Variants in GABBR1 observed in about 807,000 individuals in gnomAD.
GABBR1 encodes the protein gamma-aminobutyric acid type B receptor subunit 1, also known as GABA-B receptor, R1 subunit.
Under a neutral mutation model 117.7 loss-of-function variants are expected in GABBR1, and 35 were observed. That is an observed-to-expected ratio of 0.30 (90% CI 0.23 to 0.39). The LOEUF (loss-of-function observed/expected upper bound fraction) is 0.39, where lower values mean the gene tolerates loss of function less well. Among genes scored for constraint, GABBR1 ranks in the 10% least tolerant of loss-of-function variants. The pLI is 1.00. For missense variants in GABBR1, 709 were observed against 1,241.8 expected (o/e 0.57, Z 6.45); for synonymous variants, 442 against 486.6 (o/e 0.91, Z 1.21).
chr6:29,615,467 G>C (rs1270524194), intron 11 of GABBR1, among the ~76,000 whole-genome samples: 1 of 151,888 alleles, frequency 6.6e-6, no homozygotes, highest in African/African-American at 2.4e-5. Context: ...AAATTAGCTG[G>C]GTGTGTTGGT....
Position 29,608,679 on chromosome 6 carries a change from T to A in GABBR1, c.1914A>T (p.Ser638=). ...NLNNLTAVGC[S]LALAAVFPLG... Reference sequence around the variant, plus strand: ...GGGGGAAGACAGCAGCTAAAGCCAGTGAGCAGCCCACAGCAGTCAGGTTGT... The same window carrying A: ...GGGGGAAGACAGCAGCTAAAGCCAGAGAGCAGCCCACAGCAGTCAGGTTGT... Residue 638 remains serine (S), a synonymous_variant, in exon 16 of 23, where the codon TCA becomes TCT. Transcript: ENST00000377034. 6.2e-7 allele frequency: 1 copy of A among 1,612,952 alleles called. No homozygotes were observed.
intron 5 of GABBR1, among the ~76,000 whole-genome samples, chr6:29,628,598 A>C (rs1764619019): frequency 6.8e-6 from 1 of 146,030 alleles, no homozygotes; most frequent in Non-Finnish European, 1.5e-5. Flanking sequence ...AGAAAAGACG[A>C]GGGAAGGGGT....
Position 29,605,003 on chromosome 6 carries a change from A to T in GABBR1, c.2440-15T>A. 2 of 1,601,744 alleles carry T rather than the reference A, an allele frequency of 1.2e-6. No individual in the cohort carries two copies. Among genetic ancestry groups the T allele is most frequent in the Non-Finnish European group, 1.7e-6 (2 of 1,175,056 alleles). On this transcript the variant is annotated splice_polypyrimidine_tract_variant and intron_variant, in intron 20 of 22. Coordinates refer to ENST00000377034, the MANE Select transcript of GABBR1 (RefSeq NM_001470.4). The surrounding 1 kb of genome is among the most constrained non-coding windows in gnomAD (Gnocchi z 4.2). ...AGGCACAGGACCTAGAGGGAAAGAC[A>T]CATTGAGGGAGTCTCAGGTCTGCAG...
rs890137079 is a variant in GABBR1 at position 29,614,787 on chromosome 6, T to C, written c.1324-1302A>G. Among the ~76,000 whole-genome samples the C allele has an allele frequency of 6.6e-5, 10 of 152,294 alleles. No individual in the cohort carries two copies. In the South Asian group the frequency reaches 8.3e-4, roughly 13 times the overall value. On this transcript the variant is annotated intron_variant, in intron 11 of 22. Coordinates refer to ENST00000377034, the MANE Select transcript of GABBR1 (RefSeq NM_001470.4). ...TACATTTGTCCAAACCCATAGAATA[T>C]ATAACACCAAGGGTGAACTCTAATG...
rs1762215490 is a variant in GABBR1, at chr6:29,608,695, G to A, written c.1898C>T (p.Thr633Ile). 1 of 1,613,014 alleles carries A rather than the reference G, an allele frequency of 6.2e-7. No individual in the cohort carries two copies. The highest frequency in any genetic ancestry group is 1.7e-5 in the Admixed American group (1 of 60,012). Residue 633 changes from threonine (T) to isoleucine (I), a missense_variant, in exon 16 of 23, where the codon ACT becomes ATT. By Grantham distance (89) the Thr-to-Ile change is moderately conservative. Transcript: ENST00000377034. ...QNSQPNLNNL[T>I]AVGCSLALAA... ...TAAAGCCAGTGAGCAGCCCACAGCA[G>A]TCAGGTTGTTCAGGTTGGGCTGTGA...
rs961120175 is a variant in GABBR1 at position 29,610,808 on chromosome 6, C to A, written c.1708+116G>T. 2.8e-5 allele frequency: 24 copies of A among 856,914 alleles called. No homozygotes were observed. The Admixed American group carries it at 4.6e-4, about 16-fold the overall frequency. The allele number at this position is 856,914 out of a possible 1,614,324, so 53.1% of individuals were successfully genotyped here. A position where few individuals can be genotyped will look rare whatever the true frequency, so the allele number is the denominator to read the frequency against. On this transcript the variant is annotated intron_variant, in intron 14 of 22. Transcript: ENST00000377034. ...CACTTAACCCTTTCTCCTGGCCCAG[C>A]TGCCAGCCACATTCCAACCTAACAG...
chr6:29,620,385 G>A lies in GABBR1; in HGVS notation c.1323+716C>T, dbSNP rs1031625005. The stretch of plus-strand genomic sequence containing the variant: ...ACTTGGTGTAATAAGCAGACACATA[G>A]GTGGCCGTATCGAGCTTACCCAAAA... On this transcript the variant is annotated intron_variant, in intron 11 of 22. Transcript: ENST00000377034. The surrounding 1 kb of genome is among the most constrained non-coding windows in gnomAD (Gnocchi z 4.5). Among the ~76,000 whole-genome samples the A allele has an allele frequency of 2.0e-5, 3 of 152,108 alleles. No homozygotes were observed. The highest frequency in any genetic ancestry group is 7.2e-5 in the African/African-American group (3 of 41,404).
Position 29,624,016 on chromosome 6 carries a change from T to G in GABBR1, c.666A>C (p.Pro222=), listed in dbSNP as rs1298114478. 2 of 1,611,390 alleles carry G rather than the reference T, an allele frequency of 1.2e-6. No individual in the cohort carries two copies. The highest frequency in any genetic ancestry group is 1.3e-5 in the African/African-American group (1 of 75,018). Residue 222 remains proline, a synonymous_variant, in exon 7 of 23, where the codon CCA becomes CCC. Coordinates refer to ENST00000377034, the MANE Select transcript of GABBR1 (RefSeq NM_001470.4). ...CATATAGGTACTTGGTGGCTTGGCC[T>G]GGATCACACTGAAAGACAAGAGGAG... ...KLIHHDSKCD[P]GQATKYLYEL...
intron 11 of GABBR1, among the ~76,000 whole-genome samples, chr6:29,618,254 C>T (rs1384669771): frequency 2.0e-5 from 3 of 152,200 alleles, no homozygotes; most frequent in African/African-American, 7.2e-5. Flanking sequence ...GATGCGGTCC[C>T]CTGCTCAGGT....
Position 29,623,616 on chromosome 6 carries a change from A to C in GABBR1, c.793-141T>G, listed in dbSNP as rs1763979082. 1.2e-6 allele frequency: 1 copy of C among 846,726 alleles called. No homozygotes were observed. The highest frequency in any genetic ancestry group is 1.7e-5 in the African/African-American group (1 of 58,464). 52.5% of individuals were successfully genotyped at this position (846,726 alleles called of 1,614,324 possible). ...AACCTCCCCACCTCTGGTCTGCCTA[A>C]GGAAAAGAGATTCTCAAAGGCCCAC... On this transcript the variant is annotated intron_variant, in intron 7 of 22. Coordinates refer to ENST00000377034, the MANE Select transcript of GABBR1 (RefSeq NM_001470.4). This position sits in a 1 kb window ranked among gnomAD's most constrained non-coding sequence, Gnocchi z 6.2.
At chr6:29,619,313 C>T (rs1763506324) in intron 11 of GABBR1, among the ~76,000 whole-genome samples, 1 of 152,174 alleles carries the variant, frequency 6.6e-6, no homozygotes, top group Admixed American at 6.5e-5. Flanking sequence ...TCTCTTTTGC[C>T]CCTAACCTAT....
intron 6 of GABBR1, among the ~76,000 whole-genome samples, chr6:29,625,339 C>A (rs1168959450): frequency 6.6e-6 from 1 of 152,158 alleles, no homozygotes; most frequent in African/African-American, 2.4e-5. Flanking sequence ...CCTCAGTGCC[C>A]CTCCACTTCT....
At chr6:29,617,903 A>G (rs1271182113) in intron 11 of GABBR1, among the ~76,000 whole-genome samples, 1 of 152,234 alleles carries the variant, frequency 6.6e-6, no homozygotes, top group Non-Finnish European at 1.5e-5. Flanking sequence ...TGAGGAAACT[A>G]TATTACCTTA....
intron 11 of GABBR1, among the ~76,000 whole-genome samples, chr6:29,614,798 G>C (rs1312037386): frequency 2.6e-5 from 4 of 152,074 alleles, no homozygotes; most frequent in Non-Finnish European, 5.9e-5. Context: ...ATAACACCAA[G>C]GGTGAACTCT....
Position 29,621,698 on chromosome 6 carries a change from A to G in GABBR1, c.1131+54T>C, listed in dbSNP as rs1365218671. ...AGATGCCAAGAGGAGGCCCCACAAG[A>G]AAACCAAGGGAAACTCCCACCCAGT... On this transcript the variant is annotated intron_variant, in intron 10 of 22. Coordinates refer to ENST00000377034, the MANE Select transcript of GABBR1 (RefSeq NM_001470.4). The surrounding 1 kb of genome is among the most constrained non-coding windows in gnomAD (Gnocchi z 5.0). The G allele has an allele frequency of 7.9e-6, 12 of 1,528,016 alleles. No individual in the cohort carries two copies. Among genetic ancestry groups the G allele is most frequent in the Non-Finnish European group, 1.1e-5 (12 of 1,102,228 alleles). The allele number at this position is 1,528,016 out of a possible 1,614,324, so 94.7% of individuals were successfully genotyped here.
In GABBR1 at chr6:29,627,579, G is replaced by T; in HGVS notation, c.564C>A (p.Cys188Ter). 1 of 1,582,314 alleles carries T rather than the reference G, an allele frequency of 6.3e-7. No individual in the cohort carries two copies. The change falls in exon 6 of 23, where the codon TGC becomes TGA. Residue 188 changes from cysteine (C) to a stop codon, truncating the protein, a stop_gained. Coordinates refer to ENST00000377034, the MANE Select transcript of GABBR1 (RefSeq NM_001470.4). LOFTEE classifies it high-confidence loss of function. This position sits in a 1 kb window ranked among gnomAD's most constrained non-coding sequence, Gnocchi z 4.4. ...MSGGWPGGQA[C>*]QPAVEMALED... ...CCAGCGCCATCTCCACCGCGGGCTGGCAGGCCTGGCCCCCTGGCCAGCCCC... is the reference window on the plus strand; with the variant it reads ...CCAGCGCCATCTCCACCGCGGGCTGTCAGGCCTGGCCCCCTGGCCAGCCCC...
At position 29,627,660 on chromosome 6, in the gene GABBR1, C is replaced by T; in HGVS notation, c.497-14G>A. The T allele has an allele frequency of 6.5e-7, 1 of 1,540,546 alleles. No homozygotes were observed. Among genetic ancestry groups the T allele is most frequent in the Non-Finnish European group, 8.7e-7 (1 of 1,148,116 alleles). On this transcript the variant is annotated splice_polypyrimidine_tract_variant and intron_variant, in intron 5 of 22. Transcript: ENST00000377034. This position sits in a 1 kb window ranked among gnomAD's most constrained non-coding sequence, Gnocchi z 4.4. ...CTGCGCGCCGTTCTGAGGAGGGGTG[C>T]GGGGGGACCCGCGAGTGAGGCCGCG...
At position 29,623,898 on chromosome 6, in the gene GABBR1, G is replaced by T; in HGVS notation, c.784C>A (p.Leu262Ile). The T allele has an allele frequency of 6.2e-7, 1 of 1,612,728 alleles. No individual in the cohort carries two copies. The highest frequency in any genetic ancestry group is 8.5e-7 in the Non-Finnish European group (1 of 1,179,854). The change falls in exon 7 of 23, where the codon CTC becomes ATC. Residue 262 changes from leucine to isoleucine, a missense_variant. This residue lies in a region of GABBR1 where 192 missense variants were observed against 418.4 expected (regional missense o/e 0.46). Coordinates refer to ENST00000377034, the MANE Select transcript of GABBR1 (RefSeq NM_001470.4). The surrounding 1 kb of genome is among the most constrained non-coding windows in gnomAD (Gnocchi z 6.2). Reference protein sequence around the residue: ...LVAEAARMWNLIVLSYGSSSP... With the variant: ...LVAEAARMWNIIVLSYGSSSP... ...CCCATAGCCCTGCTTACCACAATGA[G>T]GTTCCACATCCTAGCAGCCTCAGCC... is the stretch of plus-strand genomic sequence containing the variant.
Position 29,605,843 on chromosome 6 carries a change from CCT to C in GABBR1, c.2312-149_2312-148del, listed in dbSNP as rs1761895108. 2 of 875,874 alleles carry C rather than the reference CCT, an allele frequency of 2.3e-6. No individual in the cohort carries two copies. Among genetic ancestry groups the C allele is most frequent in the East Asian group, 5.3e-5 (2 of 37,768 alleles). 54.3% of individuals were successfully genotyped at this position (875,874 alleles called of 1,614,324 possible). ...ACCCCTCTGACCTAGCAAACCTCAC[CCT>C]GTGTCCCCTATCCCTTATGTCCACC... On this transcript the variant is annotated intron_variant, in intron 19 of 22. Coordinates refer to ENST00000377034, the MANE Select transcript of GABBR1 (RefSeq NM_001470.4). This position sits in a 1 kb window ranked among gnomAD's most constrained non-coding sequence, Gnocchi z 4.2.
Sources: gnomAD v4.1 joint callset for allele counts (sites outside exome capture counted in the v4.1 genomes callset) on GRCh38, gnomAD v4.1.1 for gene constraint, gnomAD v4.1.1 regional missense constraint, Gnocchi (gnomAD v3.1) non-coding constraint, MANE v1.5 for transcripts, NCBI Gene and HGNC (gene_info 2026-07-23, HGNC 2026-07-21) for gene names.